UNC13C: variants seen among roughly 807,000 people sequenced by gnomAD.
UNC13C encodes protein unc-13 homolog C.
A neutral mutation model predicts 245.4 loss-of-function variants in UNC13C; 174 were observed. The ratio of observed to expected loss-of-function variants is 0.71; its 90% CI spans 0.63 to 0.80. The LOEUF is 0.80. Ranked by LOEUF, UNC13C falls within the 30% of genes least tolerant of loss-of-function variation. The pLI is 0.00. For missense variants in UNC13C, 2,829 were observed against 2,602.9 expected (o/e 1.09, Z -1.89); for synonymous variants, 992 against 895.1 (o/e 1.11, Z -1.93).
At chr15:54,222,977 G>GTGTA (rs2035272213) in intron 4 of UNC13C, among the ~76,000 whole-genome samples, 3 of 151,862 alleles carry the variant, frequency 2.0e-5, no homozygotes, top group Non-Finnish European at 4.4e-5. Context: ...GGCTCCCTAT[G>GTGTA]TGTATTCTGG....
rs905952445 is a variant in UNC13C at position 54,277,519 on chromosome 15, A to G, written c.3818+12023A>G. Among the ~76,000 whole-genome samples the G allele has an allele frequency of 3.3e-5, 5 of 152,204 alleles. No homozygotes were observed. The East Asian group carries it at 7.7e-4, about 23-fold the overall frequency. On this transcript the variant is annotated intron_variant, in intron 10 of 32. Coordinates refer to ENST00000260323, the MANE Select transcript of UNC13C (RefSeq NM_001080534.3). ...GACTTTTCACTGCAAGATGATGCCT[A>G]AGGCGCCCTCTGGCATTCATAGGTT...
At chr15:54,346,276 A>G (rs1567204215) in intron 17 of UNC13C, among the ~76,000 whole-genome samples, 1 of 152,224 alleles carries the variant, frequency 6.6e-6, no homozygotes, top group African/African-American at 2.4e-5. Flanking sequence ...TATTTGTAGT[A>G]TCCTTCAGTG....
chr15:54,413,354 A>G (rs1246099162), intron 18 of UNC13C, among the ~76,000 whole-genome samples: 2 of 152,088 alleles, frequency 1.3e-5, no homozygotes, highest in East Asian at 3.8e-4. Flanking sequence ...GCCTTTTTAT[A>G]AGCATAAAGT....
At chr15:54,280,731 TATAC>T (rs1197986832) in intron 10 of UNC13C, among the ~76,000 whole-genome samples, 2 of 71,586 alleles carry the variant, frequency 2.8e-5, no homozygotes, top group Non-Finnish European at 5.1e-5. Flanking sequence ...TAAACATATG[TATAC>T]ATACATATAT....
chr15:54,536,761 C>T (rs1431362741), intron 26 of UNC13C, among the ~76,000 whole-genome samples: 1 of 152,004 alleles, frequency 6.6e-6, no homozygotes, highest in East Asian at 1.9e-4. Flanking sequence ...GCAGAAAAGG[C>T]TTTCAATAAA....
At chr15:54,622,451 C>A in intron 31 of UNC13C, 32 bp downstream of exon 31, 1 of 1,496,770 alleles carries the variant, frequency 6.7e-7, no homozygotes, top group Non-Finnish European at 9.3e-7. Flanking sequence ...ATCAAAACAG[C>A]CTTCTAAACT....
chr15:53,863,158 A>C, the UNC13C span, among the ~76,000 whole-genome samples: 1 of 152,180 alleles, frequency 6.6e-6, no homozygotes, highest in African/African-American at 2.4e-5. Flanking sequence ...CAAATGGAGA[A>C]ACCAGAAGGA....
chr15:54,381,770 T>C (rs537126062), intron 17 of UNC13C, among the ~76,000 whole-genome samples: 28 of 152,210 alleles, frequency 1.8e-4, no homozygotes, highest in Non-Finnish European at 1.6e-4. Context: ...TCTAAAAATA[T>C]CTTTTAAAAA....
the UNC13C span, among the ~76,000 whole-genome samples, chr15:53,926,365 C>A: frequency 6.6e-6 from 1 of 151,930 alleles, no homozygotes; most frequent in Non-Finnish European, 1.5e-5. Context: ...TCAGTTCTCT[C>A]ACATGTGAGA....
intron 17 of UNC13C, among the ~76,000 whole-genome samples, chr15:54,354,570 G>T (rs534565895): frequency 6.6e-6 from 1 of 152,058 alleles, no homozygotes. Context: ...ATTAAACTTG[G>T]CACTGACAGC....
chr15:53,875,639 A>G, the UNC13C span, among the ~76,000 whole-genome samples: 1 of 152,174 alleles, frequency 6.6e-6, no homozygotes, highest in Non-Finnish European at 1.5e-5. Context: ...TGTAAGATTG[A>G]TTGAGCAGGG....
At chr15:54,388,719 T>A (rs1257843725) in intron 17 of UNC13C, among the ~76,000 whole-genome samples, 1 of 152,298 alleles carries the variant, frequency 6.6e-6, no homozygotes, top group Middle Eastern at 3.4e-3. Context: ...TTTATTCTTA[T>A]TGTTTTTTAG....
chr15:54,114,669 C>T (rs187609906), intron 2 of UNC13C, among the ~76,000 whole-genome samples: 444 of 152,122 alleles, frequency 2.9e-3, no homozygotes, highest in Non-Finnish European at 5.1e-3. Context: ...TACATATAAC[C>T]TTTTACCTCT....
At chr15:54,357,923 T>TGTATGTATATAC (rs2039134424) in intron 17 of UNC13C, among the ~76,000 whole-genome samples, 1 of 152,048 alleles carries the variant, frequency 6.6e-6, no homozygotes, top group South Asian at 2.1e-4. Flanking sequence ...TAATCTTTAT[T>TGTATGTATATAC]ATTATCAAAA....
intron 2 of UNC13C, among the ~76,000 whole-genome samples, chr15:54,097,777 T>C (rs941744656): frequency 1.6e-4 from 24 of 152,218 alleles, no homozygotes; most frequent in Admixed American, 1.6e-3. Context: ...GTGACTGATA[T>C]TCTTAGATGA....
At chr15:54,146,717 C>G (rs2032275514) in intron 4 of UNC13C, among the ~76,000 whole-genome samples, 1 of 152,072 alleles carries the variant, frequency 6.6e-6, no homozygotes, top group African/African-American at 2.4e-5. Context: ...CTTTTATCAT[C>G]TATGTAAGCA....
At chr15:54,552,452 A>AT (rs1237607914) in intron 28 of UNC13C, among the ~76,000 whole-genome samples, 361 of 3,166 alleles carry the variant, frequency 0.11, 19 homozygotes, top group Admixed American at 0.13. Flanking sequence ...ACAATATATA[A>AT]TATAATTATA....
intron 24 of UNC13C, among the ~76,000 whole-genome samples, chr15:54,514,828 G>T (rs147964046): frequency 1.3e-5 from 2 of 152,112 alleles, no homozygotes; most frequent in Non-Finnish European, 2.9e-5. Context: ...CATGATGATC[G>T]TGGGATTATG....
chr15:54,359,334 T>C (rs1596279049), intron 17 of UNC13C, among the ~76,000 whole-genome samples: 2 of 151,216 alleles, frequency 1.3e-5, no homozygotes, highest in South Asian at 4.2e-4. Context: ...GCTGACTTTA[T>C]AAAATGAGTT....
Sources: allele counts gnomAD v4.1 joint callset (sites outside exome capture counted in the v4.1 genomes callset), GRCh38; gene constraint gnomAD v4.1.1; transcripts MANE v1.5; gene names NCBI Gene and HGNC (gene_info 2026-07-23, HGNC 2026-07-21).